Variants in MAPKAP1 observed in about 807,000 individuals in gnomAD.
The protein encoded by MAPKAP1 is target of rapamycin complex 2 subunit MAPKAP1.
A neutral mutation model predicts 65.7 loss-of-function variants in MAPKAP1; 20 were observed. The ratio of observed to expected loss-of-function variants is 0.30; its 90% CI spans 0.21 to 0.44. The LOEUF is 0.44. Ranked by LOEUF, MAPKAP1 falls within the 20% of genes least tolerant of loss-of-function variation. The pLI, the probability that MAPKAP1 is intolerant of heterozygous loss-of-function variation, is 1.00. For synonymous variants in MAPKAP1, 222 were observed against 244.3 expected, an observed-to-expected ratio of 0.91 and a Z score of 0.85; for missense variants, 423 against 648.0, an observed-to-expected ratio of 0.65 and a Z score of 3.77.
At chr9:125,623,011 C>T (rs866696215) in intron 4 of MAPKAP1, among the ~76,000 whole-genome samples, 47 of 152,020 alleles carry the variant, frequency 3.1e-4, no homozygotes, top group Admixed American at 9.8e-4. Flanking sequence ...TTGGCCGGGC[C>T]GGTCTCCAGC....
rs1468982982 is a variant in MAPKAP1, at chr9:125,459,491, C to T, written c.1345+8481G>A. Among the ~76,000 whole-genome samples, 8 of 132,090 alleles carry T rather than the reference C, an allele frequency of 6.1e-5. No homozygotes were observed. The South Asian group carries it at 9.9e-4, about 16-fold the overall frequency. The allele number at this position is 132,090 out of a possible 152,430, so 86.7% of individuals were successfully genotyped here. A position where few individuals can be genotyped will look rare whatever the true frequency, so the allele number is the denominator to read the frequency against. Reference sequence around the variant, plus strand: ...CTGGGAGGTGGAGGTTGTAGCGAGCCGAGATCACGCCACTGCACTCCAGCC... The same window carrying T: ...CTGGGAGGTGGAGGTTGTAGCGAGCTGAGATCACGCCACTGCACTCCAGCC... On this transcript the variant is annotated intron_variant, in intron 10 of 11. Coordinates refer to ENST00000265960, the MANE Select transcript of MAPKAP1 (RefSeq NM_001006617.3).
chr9:125,689,294 G>A (rs576212308), intron 1 of MAPKAP1, among the ~76,000 whole-genome samples: 151 of 151,964 alleles, frequency 9.9e-4, no homozygotes, highest in Non-Finnish European at 1.7e-3. Flanking sequence ...AAAATTAGCC[G>A]GGCGTGGTGG....
At chr9:125,491,936 A>G (rs1854749486) in intron 8 of MAPKAP1, among the ~76,000 whole-genome samples, 1 of 152,000 alleles carries the variant, frequency 6.6e-6, no homozygotes, top group African/African-American at 2.4e-5. Context: ...CACACCTGTA[A>G]TACCAGCAGT....
chr9:125,532,820 C>G (rs1040829640), intron 7 of MAPKAP1, among the ~76,000 whole-genome samples: 3 of 152,148 alleles, frequency 2.0e-5, no homozygotes, highest in African/African-American at 7.2e-5. Context: ...GATTATGATG[C>G]ATTTTCTAAG....
At chr9:125,590,782 CT>C (rs542110763) in intron 4 of MAPKAP1, among the ~76,000 whole-genome samples, 137 of 147,114 alleles carry the variant, frequency 9.3e-4, no homozygotes, top group African/African-American at 2.4e-3. Context: ...TCTATCATAA[CT>C]TTTTTTTTTT....
At chr9:125,693,846 T>TACAC (rs1554844769) in intron 1 of MAPKAP1, among the ~76,000 whole-genome samples, 6,883 of 135,480 alleles carry the variant, frequency 0.051, 532 homozygotes, top group East Asian at 0.18. Context: ...TATACACACA[T>TACAC]ACACACACAC....
Position 125,438,856 on chromosome 9 carries a change from C to T in MAPKAP1, c.*31G>A, listed in dbSNP as rs1379305821. ...TTGGCCCTGGCAGGCAGGCTCTGAG[C>T]TACGGAACAGATTGAGGCTGGAGGC... On this transcript the variant is annotated 3_prime_UTR_variant, in exon 12 of 12. Coordinates refer to ENST00000265960, the MANE Select transcript of MAPKAP1 (RefSeq NM_001006617.3). 6 of 1,613,670 alleles carry T rather than the reference C, an allele frequency of 3.7e-6. No individual in the cohort carries two copies. The highest frequency in any genetic ancestry group is 4.2e-6 in the Non-Finnish European group (5 of 1,179,834).
chr9:125,528,712 T>C (rs2133132721), intron 7 of MAPKAP1, among the ~76,000 whole-genome samples: 1 of 150,958 alleles, frequency 6.6e-6, no homozygotes, highest in East Asian at 2.0e-4. Flanking sequence ...CTGGGCGTGG[T>C]GGCACATGCC....
intron 4 of MAPKAP1, among the ~76,000 whole-genome samples, chr9:125,637,401 T>TA (rs34622116): frequency 3.8e-4 from 56 of 148,950 alleles, no homozygotes; most frequent in South Asian, 1.3e-3. Flanking sequence ...CCCTGTTTTC[T>TA]AAAAAAAAAA....
intron 2 of MAPKAP1, among the ~76,000 whole-genome samples, chr9:125,671,950 T>C (rs1320436189): frequency 6.6e-6 from 1 of 152,216 alleles, no homozygotes; most frequent in Non-Finnish European, 1.5e-5. Context: ...CTCTTTATTA[T>C]GTCAACCTGA....
chr9:125,476,437 TC>T (rs1854113090), intron 9 of MAPKAP1, among the ~76,000 whole-genome samples: 1 of 152,154 alleles, frequency 6.6e-6, no homozygotes, highest in South Asian at 2.1e-4. Context: ...GAGGGGCACC[TC>T]CTTAGTGTTC....
chr9:125,693,701 A>ATATATACACG, intron 1 of MAPKAP1, among the ~76,000 whole-genome samples: 1 of 79,048 alleles, frequency 1.3e-5, no homozygotes, highest in Admixed American at 1.2e-4. Context: ...ATATACACGT[A>ATATATACACG]TATATACACA....
intron 1 of MAPKAP1, among the ~76,000 whole-genome samples, chr9:125,692,307 A>G (rs1835193599): frequency 6.6e-6 from 1 of 152,250 alleles, no homozygotes; most frequent in Non-Finnish European, 1.5e-5. Flanking sequence ...TGGTACAGAC[A>G]TACAATGGAA....
chr9:125,466,874 T>C (rs1326646045), intron 10 of MAPKAP1, among the ~76,000 whole-genome samples: 3 of 152,232 alleles, frequency 2.0e-5, no homozygotes, highest in Non-Finnish European at 4.4e-5. Context: ...AATGAAGCAA[T>C]GTGGCATGTG....
Position 125,559,689 on chromosome 9 carries a change from C to G in MAPKAP1, c.792G>C (p.Leu264=). Residue 264 remains leucine (L), a synonymous_variant, in exon 6 of 12, where the codon CTG becomes CTC. Coordinates refer to ENST00000265960, the MANE Select transcript of MAPKAP1 (RefSeq NM_001006617.3). ...GACCAGGAGATGAGTACTTTTCAACCAGGGCCAAAGTACTGAAGCCAAACT... is the reference window on the plus strand; with the variant it reads ...GACCAGGAGATGAGTACTTTTCAACGAGGGCCAAAGTACTGAAGCCAAACT... ...IHKFGFSTLA[L]VEKYSSPGLT... 1 of 1,613,932 alleles carries G rather than the reference C, an allele frequency of 6.2e-7. No individual in the cohort carries two copies. The highest frequency in any genetic ancestry group is 8.5e-7 in the Non-Finnish European group (1 of 1,179,898).
chr9:125,450,115 TAAGAA>T (rs910104993), intron 10 of MAPKAP1, among the ~76,000 whole-genome samples: 1 of 151,962 alleles, frequency 6.6e-6, no homozygotes, highest in Non-Finnish European at 1.5e-5. Context: ...CCATCTGCCT[TAAGAA>T]AAGTCTCAAG....
chr9:125,597,224 C>T (rs909097346), intron 4 of MAPKAP1, among the ~76,000 whole-genome samples: 1 of 146,332 alleles, frequency 6.8e-6, no homozygotes, highest in Non-Finnish European at 1.5e-5. Context: ...GAGATCGTGC[C>T]ACTGCACTCC....
chr9:125,607,434 G>C (rs1464746551), intron 4 of MAPKAP1, among the ~76,000 whole-genome samples: 1 of 152,144 alleles, frequency 6.6e-6, no homozygotes, highest in Non-Finnish European at 1.5e-5. Context: ...ATCCATATTA[G>C]CTTATGTAAT....
intron 7 of MAPKAP1, among the ~76,000 whole-genome samples, chr9:125,512,553 G>A (rs116343901): frequency 0.011 from 1,620 of 151,954 alleles, 38 homozygotes; most frequent in African/African-American, 0.036. Flanking sequence ...TTCCTCTCAC[G>A]TAGTTTATTG....
Sources: gnomAD v4.1 joint callset for allele counts (sites outside exome capture counted in the v4.1 genomes callset) on GRCh38, gnomAD v4.1.1 for gene constraint, MANE v1.5 for transcripts, NCBI Gene and HGNC (gene_info 2026-07-23, HGNC 2026-07-21) for gene names.